Variants in STRBP observed in about 807,000 individuals in gnomAD.
STRBP encodes spermatid perinuclear RNA binding protein, also known as spermatid perinuclear RNA-binding protein.
STRBP carries 13 observed loss-of-function variants against 80.1 expected under a neutral mutation model. The ratio of observed to expected loss-of-function variants is 0.16; its 90% CI spans 0.11 to 0.26. The LOEUF (loss-of-function observed/expected upper bound fraction) is 0.26. Among genes scored for constraint, STRBP ranks in the 10% least tolerant of loss-of-function variants. STRBP has a pLI of 1.00. For missense variants in STRBP, 485 were observed against 815.2 expected, an observed-to-expected ratio of 0.59 and a Z score of 4.93; for synonymous variants, 284 against 291.2, an observed-to-expected ratio of 0.98 and a Z score of 0.25.
chr9:123,119,121 G>A (rs1216755442), downstream of STRBP, among the ~76,000 whole-genome samples: 1 of 152,156 alleles, frequency 6.6e-6, no homozygotes, highest in African/African-American at 2.4e-5. Context: ...GAAGAGACAA[G>A]CTATAGGAGT....
intron 2 of STRBP, among the ~76,000 whole-genome samples, chr9:123,205,817 T>C (rs563056460): frequency 5.9e-5 from 9 of 152,354 alleles, no homozygotes; most frequent in South Asian, 4.1e-4. Context: ...AAAAGACAAG[T>C]AGCTTTTCAG....
Position 123,121,618 on chromosome 9 carries a change from T to G in STRBP, c.*3979A>C, listed in dbSNP as rs1055636165. 8 of 898 alleles carry G rather than the reference T, an allele frequency of 8.9e-3. No individual in the cohort carries two copies. The highest frequency in any genetic ancestry group is 0.036 in the Non-Finnish European group (1 of 28). 0.1% of individuals were successfully genotyped at this position (898 alleles called of 1,614,324 possible). ...AGTTACCATAATATTTTGTTTTTGT[T>G]TTTTTTTTTTTTCATTTTCTATTGC... is the stretch of plus-strand genomic sequence containing the variant. On this transcript the variant is annotated 3_prime_UTR_variant, in exon 19 of 19. Coordinates refer to ENST00000348403, the MANE Select transcript of STRBP (RefSeq NM_018387.5).
At chr9:123,257,884 G>C (rs1427923626) in intron 1 of STRBP, among the ~76,000 whole-genome samples, 2 of 151,450 alleles carry the variant, frequency 1.3e-5, no homozygotes, top group African/African-American at 2.4e-5. Flanking sequence ...CATAATTTAT[G>C]TATATATATT....
chr9:123,257,677 G>A (rs2041064095), intron 1 of STRBP, among the ~76,000 whole-genome samples: 1 of 152,054 alleles, frequency 6.6e-6, no homozygotes, highest in South Asian at 2.1e-4. Flanking sequence ...AATTAGCCAG[G>A]CATGGTGGCA....
chr9:123,262,527 C>G (rs1588167015), intron 1 of STRBP, among the ~76,000 whole-genome samples: 1 of 152,216 alleles, frequency 6.6e-6, no homozygotes, highest in Non-Finnish European at 1.5e-5. Flanking sequence ...AGAATTCTCA[C>G]TTTTCAAGTG....
chr9:123,227,447 G>A (rs1357484544), intron 2 of STRBP, among the ~76,000 whole-genome samples: 1 of 151,968 alleles, frequency 6.6e-6, no homozygotes, highest in Non-Finnish European at 1.5e-5. Flanking sequence ...GAGGTAACAG[G>A]GTCAGATGAA....
At chr9:123,175,448 T>C (rs2038179952) in intron 4 of STRBP, among the ~76,000 whole-genome samples, 2 of 152,108 alleles carry the variant, frequency 1.3e-5, no homozygotes, top group African/African-American at 2.4e-5. Context: ...CAGTGGAAAC[T>C]AGAAAGGAAG....
intron 2 of STRBP, among the ~76,000 whole-genome samples, chr9:123,205,567 AAAT>A (rs1179548254): frequency 1.3e-5 from 2 of 152,250 alleles, no homozygotes; most frequent in Non-Finnish European, 2.9e-5. Flanking sequence ...AAACAAGCAA[AAAT>A]AATAATATTC....
At chr9:123,260,450 A>T (rs1249424720) in intron 1 of STRBP, among the ~76,000 whole-genome samples, 1 of 152,214 alleles carries the variant, frequency 6.6e-6, no homozygotes, top group Non-Finnish European at 1.5e-5. Flanking sequence ...AGCACAAAAT[A>T]ACTTCATGAG....
intron 1 of STRBP, among the ~76,000 whole-genome samples, chr9:123,256,576 G>A (rs1044510932): frequency 8.6e-5 from 13 of 152,010 alleles, no homozygotes. Context: ...AAATAAATGT[G>A]AGCTATATAT....
At chr9:123,256,018 C>CTTTTTTTTTTTTTTT (rs11338372) in intron 1 of STRBP, among the ~76,000 whole-genome samples, 5 of 71,486 alleles carry the variant, frequency 7.0e-5, no homozygotes, top group East Asian at 4.3e-4. Context: ...TCCTTTCTTT[C>CTTTTTTTTTTTTTTT]TTTTTTTTTT....
chr9:123,131,051 A>G (rs2036115727), intron 17 of STRBP, among the ~76,000 whole-genome samples: 1 of 152,190 alleles, frequency 6.6e-6, no homozygotes, highest in African/African-American at 2.4e-5. Context: ...ATAAAGATCA[A>G]ATCAGTGAAC....
chr9:123,168,108 A>C, intron 6 of STRBP: 1 of 577,340 alleles, frequency 1.7e-6, no homozygotes, highest in Non-Finnish European at 2.2e-6. Context: ...TACTCAAATA[A>C]TTTTTAATAA....
intron 3 of STRBP, 152 bp downstream of exon 3, chr9:123,183,980 C>T (rs2038597295): frequency 3.6e-6 from 2 of 559,158 alleles, no homozygotes; most frequent in Non-Finnish European, 3.1e-6. Context: ...TGAATTCATT[C>T]GCTTTGAATA....
downstream of STRBP, among the ~76,000 whole-genome samples, chr9:123,118,032 C>T (rs929400624): frequency 6.6e-6 from 1 of 152,164 alleles, no homozygotes; most frequent in Admixed American, 6.5e-5. Context: ...AGTCAGAGGG[C>T]CTAGCTACCA....
At position 123,136,399 on chromosome 9, in the gene STRBP, G is replaced by A. The variant is rs755218017; in HGVS notation, c.1614C>T (p.Asp538=). The A allele has an allele frequency of 2.5e-6, 4 of 1,613,984 alleles. No homozygotes were observed. In the African/African-American group the frequency reaches 5.3e-5, roughly 22 times the overall value. ...TACACACCTCCATTACAAAGCGCTTGTCATGGCTTCCACCAGTCTCTGAGA... is the reference window on the plus strand; with the variant it reads ...TACACACCTCCATTACAAAGCGCTTATCATGGCTTCCACCAGTCTCTGAGA... ...ELISETGGSH[D]KRFVMEVEVD... is the part of the protein sequence containing the mutation. Residue 538 remains aspartate, a synonymous_variant, in exon 15 of 19, where the codon GAC becomes GAT. Coordinates refer to ENST00000348403, the MANE Select transcript of STRBP (RefSeq NM_018387.5). The surrounding 1 kb of genome is among the most constrained non-coding windows in gnomAD (Gnocchi z 4.2).
At chr9:123,201,046 T>C (rs1314829468) in intron 2 of STRBP, among the ~76,000 whole-genome samples, 1 of 152,160 alleles carries the variant, frequency 6.6e-6, no homozygotes, top group African/African-American at 2.4e-5. Flanking sequence ...TAGTCTGGAA[T>C]GATCTTTTGT....
At position 123,123,626 on chromosome 9, in the gene STRBP, C is replaced by T. The variant is rs1393709854; in HGVS notation, c.*1971G>A. On this transcript the variant is annotated 3_prime_UTR_variant, in exon 19 of 19. Coordinates refer to ENST00000348403, the MANE Select transcript of STRBP (RefSeq NM_018387.5). ...GCTCCCTTTTCACCATTACAGAGCG[C>T]GTGAGTTATGAAGCAGAGTCAGCTA... The T allele has an allele frequency of 3.8e-5, 37 of 984,982 alleles. No homozygotes were observed. The highest frequency in any genetic ancestry group is 4.3e-5 in the Non-Finnish European group (36 of 829,890). 61.0% of individuals were successfully genotyped at this position (984,982 alleles called of 1,614,324 possible). A position where few individuals can be genotyped will look rare whatever the true frequency, so the allele number is the denominator to read the frequency against.
At chr9:123,264,589 T>C (rs1359767225) in intron 1 of STRBP, among the ~76,000 whole-genome samples, 1 of 152,210 alleles carries the variant, frequency 6.6e-6, no homozygotes, top group Non-Finnish European at 1.5e-5. Context: ...TAAACCACCT[T>C]GATTCTCATG....
Sources: gnomAD v4.1 joint callset for allele counts (sites outside exome capture counted in the v4.1 genomes callset) on GRCh38, gnomAD v4.1.1 for gene constraint, Gnocchi (gnomAD v3.1) non-coding constraint, MANE v1.5 for transcripts, NCBI Gene and HGNC (gene_info 2026-07-23, HGNC 2026-07-21) for gene names.